Variants in SRGAP3 observed in about 807,000 individuals in gnomAD.
The protein encoded by SRGAP3 is SLIT-ROBO Rho GTPase activating protein 3.
In SRGAP3, 39 loss-of-function variants were observed where a neutral mutation model predicts 121.1. The observed-to-expected ratio is 0.32, with a 90% CI of 0.25 to 0.42. The LOEUF is 0.42. SRGAP3 is among the 10% of genes least tolerant of loss of function. The pLI is 1.00. For missense variants in SRGAP3, 1,213 were observed against 1,470.6 expected, an observed-to-expected ratio of 0.82 and a Z score of 2.86; for synonymous variants, 601 against 570.0, an observed-to-expected ratio of 1.05 and a Z score of -0.77.
chr3:9,196,412 A>G (rs995590764), intron 1 of SRGAP3, among the ~76,000 whole-genome samples: 1 of 152,246 alleles, frequency 6.6e-6, no homozygotes, highest in African/African-American at 2.4e-5. Context: ...TCTTTGGATC[A>G]TTTACTGCCA....
intron 1 of SRGAP3, among the ~76,000 whole-genome samples, chr3:9,244,737 T>C (rs1237659783): frequency 1.3e-5 from 2 of 152,154 alleles, no homozygotes; most frequent in Non-Finnish European, 2.9e-5. Context: ...GATAATATGA[T>C]ATCACTCCCG....
intron 3 of SRGAP3, among the ~76,000 whole-genome samples, chr3:9,287,929 A>AT (rs1247001620): frequency 6.6e-6 from 1 of 151,106 alleles, no homozygotes; most frequent in South Asian, 2.1e-4. Flanking sequence ...GTAGGTGTGA[A>AT]TTTTTTTTTA....
At chr3:8,999,656 G>T (rs542227383) in intron 18 of SRGAP3, among the ~76,000 whole-genome samples, 153 of 152,232 alleles carry the variant, frequency 1.0e-3, no homozygotes, top group Non-Finnish European at 1.6e-3. Context: ...TCTCTTCTCC[G>T]TCATCTTCCC....
chr3:9,205,575 T>C (rs1242065756), intron 1 of SRGAP3, among the ~76,000 whole-genome samples: 4 of 152,140 alleles, frequency 2.6e-5, no homozygotes, highest in African/African-American at 9.7e-5. Context: ...CCCACCCAAA[T>C]CTAGAACCTA....
chr3:9,170,496 C>T (rs1018091400), intron 1 of SRGAP3, among the ~76,000 whole-genome samples: 6 of 152,086 alleles, frequency 3.9e-5, no homozygotes, highest in South Asian at 2.1e-4. Flanking sequence ...AGAAGAGAGG[C>T]GACCTGAGCA....
Position 9,075,688 on chromosome 3 carries a change from C to G in SRGAP3, c.486+4337G>C, listed in dbSNP as rs1391181729. 3.3e-5 allele frequency among the ~76,000 whole-genome samples: 5 copies of G among 152,174 alleles called. No individual in the cohort carries two copies. The East Asian group carries it at 7.7e-4, about 23-fold the overall frequency. On this transcript the variant is annotated intron_variant, in intron 4 of 21. Transcript: ENST00000383836. ...GAACAGACCACCACCACCTCCCTTA[C>G]AGAACTTTAAGAAGAAAAAAAGTGG...
intron 1 of SRGAP3, among the ~76,000 whole-genome samples, chr3:9,207,453 A>G (rs1428435422): frequency 1.3e-5 from 2 of 152,134 alleles, no homozygotes; most frequent in Non-Finnish European, 2.9e-5. Flanking sequence ...AGTAATCCCA[A>G]CTCAGAGGTC....
At chr3:9,321,555 G>A (rs1422406071) in intron 3 of SRGAP3, among the ~76,000 whole-genome samples, 1 of 151,902 alleles carries the variant, frequency 6.6e-6, no homozygotes, top group African/African-American at 2.4e-5. Flanking sequence ...ATAGAAGTGG[G>A]AAGTGACAGC....
chr3:9,185,320 A>C (rs1404624160), intron 1 of SRGAP3, among the ~76,000 whole-genome samples: 1 of 152,162 alleles, frequency 6.6e-6, no homozygotes, highest in African/African-American at 2.4e-5. Context: ...GCGAGGCCAG[A>C]TTCCAGCCCC....
At chr3:9,219,199 T>G (rs1952724619) in intron 1 of SRGAP3, 2 of 152,082 alleles carry the variant, frequency 1.3e-5, no homozygotes, top group Admixed American at 1.3e-4. Flanking sequence ...TAGTCTGTAT[T>G]GTTCTAAAGG....
chr3:9,057,433 C>T (rs560290279), intron 7 of SRGAP3, among the ~76,000 whole-genome samples: 18 of 152,336 alleles, frequency 1.2e-4, no homozygotes, highest in East Asian at 7.7e-4. Context: ...GGTGATGGAT[C>T]GGGAGGACTG....
chr3:9,164,299 T>TATTTATTTA (rs904914953), intron 1 of SRGAP3, among the ~76,000 whole-genome samples: 2 of 151,536 alleles, frequency 1.3e-5, no homozygotes, highest in Non-Finnish European at 2.9e-5. Flanking sequence ...TTTATTTATT[T>TATTTATTTA]ATTTATTTTG....
intron 1 of SRGAP3, among the ~76,000 whole-genome samples, chr3:9,223,045 T>A (rs1436994489): frequency 6.6e-6 from 1 of 152,230 alleles, no homozygotes; most frequent in Non-Finnish European, 1.5e-5. Context: ...TGAGACTCAC[T>A]GGACACTTAA....
intron 3 of SRGAP3, among the ~76,000 whole-genome samples, chr3:9,314,381 C>A (rs567432767): frequency 3.3e-5 from 5 of 151,216 alleles, no homozygotes; most frequent in Admixed American, 2.6e-4. Context: ...CACAGGGAGA[C>A]CCTATCTCGA....
chr3:9,199,203 C>T (rs6781447), intron 1 of SRGAP3, among the ~76,000 whole-genome samples: 37,420 of 152,110 alleles, frequency 0.25, 5,159 homozygotes, highest in African/African-American at 0.38. Context: ...TTGCAATGGG[C>T]TTAATCATCT....
chr3:9,121,520 G>A (rs965671588), intron 2 of SRGAP3, among the ~76,000 whole-genome samples: 4 of 152,136 alleles, frequency 2.6e-5, no homozygotes, highest in African/African-American at 4.8e-5. Flanking sequence ...CATTAGCATC[G>A]TGCAGAGGGC....
At chr3:9,120,723 G>A (rs1240844524) in intron 2 of SRGAP3, among the ~76,000 whole-genome samples, 1 of 152,242 alleles carries the variant, frequency 6.6e-6, no homozygotes, top group African/African-American at 2.4e-5. Flanking sequence ...GAGCAAGGAT[G>A]TCAGAGTGCT....
At chr3:9,009,017 G>C (rs1943225632) in intron 18 of SRGAP3, among the ~76,000 whole-genome samples, 1 of 152,230 alleles carries the variant, frequency 6.6e-6, no homozygotes, top group Admixed American at 6.5e-5. Flanking sequence ...CAAGAAGACA[G>C]AGACAAAGTG....
intron 1 of SRGAP3, among the ~76,000 whole-genome samples, chr3:9,200,448 C>T (rs1205544048): frequency 6.6e-6 from 1 of 152,108 alleles, no homozygotes; most frequent in African/African-American, 2.4e-5. Flanking sequence ...AAAAGGAACA[C>T]ACAAAAGACC....
Sources: gnomAD v4.1 joint callset for allele counts (sites outside exome capture counted in the v4.1 genomes callset) on GRCh38, gnomAD v4.1.1 for gene constraint, MANE v1.5 for transcripts, NCBI Gene and HGNC (gene_info 2026-07-23, HGNC 2026-07-21) for gene names.